SLC25A48: variants seen among roughly 807,000 people sequenced by gnomAD.
SLC25A48 encodes CTC-321K16.1.
SLC25A48 carries 29 observed loss-of-function variants against 32.2 expected under a neutral mutation model. The ratio of observed to expected loss-of-function variants is 0.90; its 90% CI spans 0.67 to 1.23. The LOEUF (loss-of-function observed/expected upper bound fraction) is 1.23. Among genes scored for constraint, SLC25A48 ranks in the 50% most tolerant of loss-of-function variants. The pLI, the probability that SLC25A48 is intolerant of heterozygous loss-of-function variation, is 0.00. For missense variants in SLC25A48, 399 were observed against 422.7 expected, an observed-to-expected ratio of 0.94 and a Z score of 0.49; for synonymous variants, 164 against 172.3, an observed-to-expected ratio of 0.95 and a Z score of 0.38.
chr5:135,714,382 C>T (rs1293532321), intron 3 of SLC25A48, among the ~76,000 whole-genome samples: 3 of 152,212 alleles, frequency 2.0e-5, no homozygotes, highest in African/African-American at 7.2e-5. Context: ...GATGTCTCTC[C>T]CCATGCAGTG....
At chr5:135,792,911 T>A (rs1156806600) in intron 3 of SLC25A48, among the ~76,000 whole-genome samples, 2 of 151,530 alleles carry the variant, frequency 1.3e-5, no homozygotes, top group Non-Finnish European at 3.0e-5. Context: ...CCCTGGGATA[T>A]GGTTCGTAAT....
At chr5:135,671,702 T>C (rs1204552103) in intron 3 of SLC25A48, 2 of 152,150 alleles carry the variant, frequency 1.3e-5, no homozygotes, top group Non-Finnish European at 2.9e-5. Context: ...AGAAAGATGT[T>C]TCCAAAAAAA....
chr5:135,597,300 T>G (rs1751677511), intron 1 of SLC25A48, among the ~76,000 whole-genome samples: 1 of 152,048 alleles, frequency 6.6e-6, no homozygotes, highest in Admixed American at 6.6e-5. Flanking sequence ...TACTACAAAA[T>G]CATGGGAAGG....
chr5:135,724,408 C>CG (rs35250633), intron 3 of SLC25A48, among the ~76,000 whole-genome samples: 8 of 152,172 alleles, frequency 5.3e-5, no homozygotes, highest in African/African-American at 1.7e-4. Context: ...GCGTGAGCCC[C>CG]TGCGCCACCC....
In SLC25A48 at chr5:135,797,506, GAT is replaced by G. The variant is rs1245475058; in HGVS notation, c.-520-15013_-520-15012del. 3.9e-5 allele frequency among the ~76,000 whole-genome samples: 6 copies of G among 151,924 alleles called. No individual in the cohort carries two copies. In the East Asian group the frequency reaches 1.2e-3, roughly 29 times the overall value. On this transcript the variant is annotated intron_variant, in intron 3 of 10. Transcript: ENST00000646290. ...CACAGGAAGTGTACACTCACCCTTT[GAT>G]ATACTTCCTAAAGTTTAGAAAAGAA...
At chr5:135,688,590 G>A (rs779707113) in intron 3 of SLC25A48, among the ~76,000 whole-genome samples, 2 of 152,196 alleles carry the variant, frequency 1.3e-5, no homozygotes, top group Non-Finnish European at 2.9e-5. Context: ...ATATTGATTT[G>A]AGCATTCACA....
intron 3 of SLC25A48, among the ~76,000 whole-genome samples, chr5:135,680,326 C>T (rs1304007937): frequency 6.6e-6 from 1 of 152,184 alleles, no homozygotes; most frequent in Non-Finnish European, 1.5e-5. Flanking sequence ...GTTGTTTTAG[C>T]TAGCACAGAT....
intron 3 of SLC25A48, chr5:135,650,549 G>A (rs1483712426): frequency 3.0e-6 from 1 of 332,068 alleles, no homozygotes; most frequent in South Asian, 2.0e-5. Context: ...AGTCACTGAT[G>A]GAGTGGAACT....
At chr5:135,663,289 CAG>C (rs1753447291) in intron 3 of SLC25A48, among the ~76,000 whole-genome samples, 1 of 152,150 alleles carries the variant, frequency 6.6e-6, no homozygotes, top group South Asian at 2.1e-4. Flanking sequence ...GTACTTAGAA[CAG>C]AGTTTCTCAG....
intron 3 of SLC25A48, among the ~76,000 whole-genome samples, chr5:135,673,440 C>T (rs185798802): frequency 6.6e-6 from 1 of 152,260 alleles, no homozygotes; most frequent in East Asian, 1.9e-4. Flanking sequence ...AGTGGTTTCT[C>T]ATTGTAATTT....
intron 3 of SLC25A48, among the ~76,000 whole-genome samples, chr5:135,767,776 G>A (rs998537161): frequency 2.6e-5 from 4 of 151,456 alleles, no homozygotes; most frequent in Admixed American, 6.6e-5. Flanking sequence ...AACACCCTGT[G>A]TGTACTCCCT....
chr5:135,582,095 G>T (rs753240960), intron 1 of SLC25A48, among the ~76,000 whole-genome samples: 1 of 152,228 alleles, frequency 6.6e-6, no homozygotes, highest in South Asian at 2.1e-4. Context: ...GGTCATACTG[G>T]ATTCTACAGA....
At chr5:135,862,613 C>A (rs573799655) in intron 4 of SLC25A48, among the ~76,000 whole-genome samples, 3 of 152,196 alleles carry the variant, frequency 2.0e-5, no homozygotes, top group Non-Finnish European at 2.9e-5. Flanking sequence ...GTCTTTGGAA[C>A]CCCTGACTCT....
At chr5:135,728,841 T>C (rs867907718) in intron 3 of SLC25A48, among the ~76,000 whole-genome samples, 31 of 141,662 alleles carry the variant, frequency 2.2e-4, no homozygotes, top group African/African-American at 7.1e-4. Context: ...CATACACAAA[T>C]ACACACACAC....
chr5:135,683,069 ACT>A (rs1753934968), intron 3 of SLC25A48, among the ~76,000 whole-genome samples: 1 of 152,014 alleles, frequency 6.6e-6, no homozygotes, highest in Non-Finnish European at 1.5e-5. Context: ...GACCAGAATA[ACT>A]CTCCACTGTC....
chr5:135,638,228 A>C (rs1288118133), intron 3 of SLC25A48, among the ~76,000 whole-genome samples: 1 of 152,268 alleles, frequency 6.6e-6, no homozygotes, highest in East Asian at 1.9e-4. Flanking sequence ...ATAAAACAAA[A>C]AAAGAGTAGA....
At chr5:135,608,590 G>A (rs1273674169) in intron 1 of SLC25A48, among the ~76,000 whole-genome samples, 1 of 152,226 alleles carries the variant, frequency 6.6e-6, no homozygotes, top group East Asian at 1.9e-4. Context: ...TCCAGCCATG[G>A]CTCTGCAGTT....
chr5:135,616,898 A>G (rs1752203361), intron 1 of SLC25A48, among the ~76,000 whole-genome samples: 1 of 152,200 alleles, frequency 6.6e-6, no homozygotes, highest in Non-Finnish European at 1.5e-5. Flanking sequence ...TATGTTCATC[A>G]GGGATATGAC....
intron 7 of SLC25A48, among the ~76,000 whole-genome samples, chr5:135,880,872 TCTC>T (rs1384937085): frequency 3.3e-5 from 5 of 152,094 alleles, no homozygotes; most frequent in Non-Finnish European, 7.4e-5. Context: ...GCTGTAGAAG[TCTC>T]CTCCTCCAGG....
Sources: allele counts gnomAD v4.1 joint callset (sites outside exome capture counted in the v4.1 genomes callset), GRCh38; gene constraint gnomAD v4.1.1; transcripts MANE v1.5; gene names NCBI Gene and HGNC (gene_info 2026-07-23, HGNC 2026-07-21).